Variants in EML1 observed in about 807,000 individuals in gnomAD.
The protein encoded by EML1 is EMAP like 1.
Under a neutral mutation model 110.4 loss-of-function variants are expected in EML1, and 27 were observed. The ratio of observed to expected loss-of-function variants is 0.24; its 90% CI spans 0.18 to 0.34. The LOEUF (loss-of-function observed/expected upper bound fraction) is 0.34. Ranked by LOEUF, EML1 falls within the 10% of genes least tolerant of loss-of-function variation. EML1 has a pLI of 1.00. For synonymous variants in EML1, 344 were observed against 385.8 expected, an observed-to-expected ratio of 0.89 and a Z score of 1.27; for missense variants, 741 against 1,030.9, an observed-to-expected ratio of 0.72 and a Z score of 3.85.
At chr14:99,937,232 G>T (rs979724745) in intron 19 of EML1, among the ~76,000 whole-genome samples, 5 of 152,288 alleles carry the variant, frequency 3.3e-5, no homozygotes, top group Non-Finnish European at 5.9e-5. Flanking sequence ...GAGGGCGGCC[G>T]CACCGTCTCA....
At chr14:99,912,580 A>G (rs1442580261) in intron 13 of EML1, among the ~76,000 whole-genome samples, 1 of 152,116 alleles carries the variant, frequency 6.6e-6, no homozygotes, top group Non-Finnish European at 1.5e-5. Context: ...ACATGGCACC[A>G]CCCTCTGGCA....
At chr14:99,794,534 T>G (rs1452477823) in intron 1 of EML1, among the ~76,000 whole-genome samples, 1 of 152,234 alleles carries the variant, frequency 6.6e-6, no homozygotes, top group East Asian at 1.9e-4. Flanking sequence ...TTCTTGTTAT[T>G]CGACACCTGT....
At chr14:99,909,573 C>T in intron 11 of EML1, 94 bp downstream of exon 11, 2 of 1,497,718 alleles carry the variant, frequency 1.3e-6, no homozygotes, top group Non-Finnish European at 1.8e-6. Context: ...CAACACAATC[C>T]CTTGGGATCC....
intron 1 of EML1, among the ~76,000 whole-genome samples, chr14:99,744,999 CA>C (rs919856843): frequency 1.3e-5 from 2 of 152,072 alleles, no homozygotes; most frequent in Non-Finnish European, 2.9e-5. Context: ...TACAGATATG[CA>C]CTCTCTCTTT....
At chr14:99,891,604 G>A (rs1231720887) in intron 5 of EML1, among the ~76,000 whole-genome samples, 3 of 152,164 alleles carry the variant, frequency 2.0e-5, no homozygotes, top group Non-Finnish European at 2.9e-5. Context: ...TCTCTTAGGG[G>A]AAAGTTTCTT....
At chr14:99,768,230 A>C (rs1158707644), upstream of EML1, among the ~76,000 whole-genome samples, 2 of 152,228 alleles carry the variant, frequency 1.3e-5, no homozygotes, top group Non-Finnish European at 2.9e-5. Flanking sequence ...AAATCCAGCC[A>C]TTACAATGCC....
At chr14:99,883,100 CT>C (rs2059415339) in intron 4 of EML1, 1 of 152,274 alleles carries the variant, frequency 6.6e-6, no homozygotes, top group Non-Finnish European at 1.5e-5. Context: ...GGCTGGGGCT[CT>C]GGGCCCTTCA....
chr14:99,819,765 AGCCTCTC>A (rs370343007), intron 1 of EML1, among the ~76,000 whole-genome samples: 1 of 152,334 alleles, frequency 6.6e-6, no homozygotes, highest in East Asian at 1.9e-4. Context: ...ACAGGAGCCC[AGCCTCTC>A]GCACCGAGCA....
intron 1 of EML1, among the ~76,000 whole-genome samples, chr14:99,822,639 CTCTTGTAG>C (rs768192754): frequency 9.9e-5 from 15 of 152,152 alleles, no homozygotes; most frequent in Non-Finnish European, 1.6e-4. Flanking sequence ...TTCTTAGCCC[CTCTTGTAG>C]GTGATACCTC....
Position 99,854,348 on chromosome 14 carries a change from G to C in EML1, c.250+3313G>C, listed in dbSNP as rs1042253131. ...CTGACTATCATTCTTCATATGCCTT[G>C]ACTAGTATAACGATGAGAACTGCAG... On this transcript the variant is annotated intron_variant, in intron 2 of 21. Transcript: ENST00000262233. 6.7e-4 allele frequency among the ~76,000 whole-genome samples: 102 copies of C among 152,196 alleles called. 11 individuals carry two copies.
At chr14:99,759,892 T>A (rs1312659431) in intron 1 of EML1, among the ~76,000 whole-genome samples, 1 of 151,562 alleles carries the variant, frequency 6.6e-6, no homozygotes, top group Non-Finnish European at 1.5e-5. Context: ...GGTGGGTGGG[T>A]CACCTGAGGT....
At chr14:99,742,703 G>A (rs2057056401) in intron 1 of EML1, among the ~76,000 whole-genome samples, 1 of 152,102 alleles carries the variant, frequency 6.6e-6, no homozygotes. Flanking sequence ...CTTGTGGAGT[G>A]CGTGGAGGGC....
At chr14:99,922,432 G>T (rs1247743759) in intron 17 of EML1, among the ~76,000 whole-genome samples, 1 of 152,074 alleles carries the variant, frequency 6.6e-6, no homozygotes, top group East Asian at 1.9e-4. Flanking sequence ...GATTTAGATT[G>T]TTTCTGGTTT....
chr14:99,772,756 T>C (rs1415446722), upstream of EML1, among the ~76,000 whole-genome samples: 1 of 152,258 alleles, frequency 6.6e-6, no homozygotes, highest in African/African-American at 2.4e-5. Flanking sequence ...TCTCATATTT[T>C]CTGCTATATT....
chr14:99,802,855 C>T (rs58390739), intron 1 of EML1, among the ~76,000 whole-genome samples: 19,388 of 152,040 alleles, frequency 0.13, 1,477 homozygotes, highest in East Asian at 0.37. Context: ...TTAGACATTT[C>T]GAATGTGCCT....
intron 1 of EML1, among the ~76,000 whole-genome samples, chr14:99,757,975 C>T (rs1444588068): frequency 6.6e-6 from 1 of 152,204 alleles, no homozygotes; most frequent in African/African-American, 2.4e-5. Context: ...AATCTATGCA[C>T]TAAGATTCCT....
chr14:99,844,238 T>C (rs1247156635), intron 1 of EML1, among the ~76,000 whole-genome samples: 3 of 152,148 alleles, frequency 2.0e-5, no homozygotes, highest in South Asian at 2.1e-4. Context: ...CCCAGCACTT[T>C]GGGAGGCCGA....
chr14:99,791,328 C>T (rs890801650), upstream of EML1, among the ~76,000 whole-genome samples: 2 of 152,214 alleles, frequency 1.3e-5, no homozygotes, highest in African/African-American at 4.8e-5. Context: ...GAACTCTACG[C>T]AAATGCCCAC....
intron 1 of EML1, among the ~76,000 whole-genome samples, chr14:99,843,956 T>C (rs1372129665): frequency 6.6e-6 from 1 of 152,168 alleles, no homozygotes; most frequent in Non-Finnish European, 1.5e-5. Flanking sequence ...CACTTCTCTC[T>C]CCCAGTGGCA....
Sources: allele counts gnomAD v4.1 joint callset (sites outside exome capture counted in the v4.1 genomes callset), GRCh38; gene constraint gnomAD v4.1.1; transcripts MANE v1.5; gene names NCBI Gene and HGNC (gene_info 2026-07-23, HGNC 2026-07-21).